Variants in GK3 observed in about 807,000 individuals in gnomAD.
The protein encoded by GK3 is glycerol kinase 3 pseudogene.
the GK3 span, chr4:165,279,332 C>A: frequency 6.4e-7 from 1 of 1,569,124 alleles, no homozygotes. Context: ...GAGAGGCTCT[C>A]CAGTTATCTT....
chr4:165,277,912 A>C, the GK3 span: 2 of 867,048 alleles, frequency 2.3e-6, no homozygotes, highest in Non-Finnish European at 4.0e-6. Context: ...CATCGCATTA[A>C]GAGACAATTG....
the GK3 span, chr4:165,278,789 A>G: frequency 4.5e-6 from 7 of 1,541,418 alleles, no homozygotes; most frequent in Non-Finnish European, 6.3e-6. Flanking sequence ...TGTATTACAT[A>G]GTAAGAAACA....
chr4:165,279,064 G>C, the GK3 span: 1 of 1,519,544 alleles, frequency 6.6e-7, no homozygotes, highest in Non-Finnish European at 9.1e-7. Flanking sequence ...CTGTACAGTG[G>C]ACACCTCCAT....
chr4:165,277,901 T>C, the GK3 span: 15 of 846,938 alleles, frequency 1.8e-5, no homozygotes, highest in Non-Finnish European at 3.1e-5. Flanking sequence ...ATGAATAGTG[T>C]CATCGCATTA....
chr4:165,278,710 T>C, the GK3 span: 1 of 1,603,846 alleles, frequency 6.2e-7, no homozygotes, highest in East Asian at 2.2e-5. Context: ...AATATACCGG[T>C]TTGTCTCTGC....
chr4:165,277,950 G>T, the GK3 span: 6 of 979,672 alleles, frequency 6.1e-6, no homozygotes, highest in Non-Finnish European at 6.6e-6. Flanking sequence ...TATGTAAAAA[G>T]CTCGCATCTT....
At chr4:165,279,339 T>C in the GK3 span, 24 of 1,575,820 alleles carry the variant, frequency 1.5e-5, no homozygotes, top group South Asian at 5.5e-5. Flanking sequence ...TCTCCAGTTA[T>C]CTTGTCCCAG....
the GK3 span, chr4:165,277,977 G>A: frequency 5.9e-6 from 7 of 1,190,780 alleles, no homozygotes; most frequent in Non-Finnish European, 8.8e-6. Flanking sequence ...CCATGAGTTG[G>A]TAGGTTTTAT....
the GK3 span, chr4:165,278,748 G>A: frequency 2.6e-5 from 41 of 1,584,532 alleles, no homozygotes; most frequent in South Asian, 7.7e-5. Context: ...GTGGTGAGAA[G>A]GCCATGATCA....
At chr4:165,278,533 A>T in the GK3 span, 6 of 1,609,962 alleles carry the variant, frequency 3.7e-6, no homozygotes, top group Non-Finnish European at 5.1e-6. Flanking sequence ...TGGGCTCCCA[A>T]TAAGGTGCAT....
At chr4:165,277,964 A>C in the GK3 span, 4 of 1,079,790 alleles carry the variant, frequency 3.7e-6, no homozygotes, top group Non-Finnish European at 5.8e-6. Context: ...GCATCTTGGG[A>C]ATCCATGAGT....
At chr4:165,279,079 G>A in the GK3 span, 9 of 1,539,448 alleles carry the variant, frequency 5.8e-6, no homozygotes, top group East Asian at 4.5e-5. Flanking sequence ...CTCCATTGAC[G>A]CCTCCTGTCA....
chr4:165,278,298 A>G, the GK3 span: 1 of 1,074,250 alleles, frequency 9.3e-7, no homozygotes, highest in Admixed American at 1.7e-5. Flanking sequence ...TCGGGCATCA[A>G]GGGCTTCACT....
chr4:165,278,417 G>A, the GK3 span: 3 of 1,414,086 alleles, frequency 2.1e-6, no homozygotes, highest in African/African-American at 1.4e-5. Context: ...TCGATTCATG[G>A]CATCCAAAAT....
At chr4:165,279,650 C>G in the GK3 span, 3 of 1,611,040 alleles carry the variant, frequency 1.9e-6, no homozygotes, top group Non-Finnish European at 2.5e-6. Flanking sequence ...TGCCATGAAA[C>G]CAGCTTCAGG....
chr4:165,279,460 A>C, the GK3 span: 60 of 1,599,592 alleles, frequency 3.8e-5, no homozygotes, highest in Non-Finnish European at 5.1e-5. Context: ...CATAGACAGA[A>C]TGTAGAATTT....
chr4:165,279,209 C>G, the GK3 span: 2 of 1,544,776 alleles, frequency 1.3e-6, no homozygotes, highest in Non-Finnish European at 1.8e-6. Context: ...GAAGTAAGTG[C>G]TAAGTGGAAG....
chr4:165,278,289 CG>C, the GK3 span: 1 of 1,066,040 alleles, frequency 9.4e-7, no homozygotes, highest in Non-Finnish European at 1.5e-6. Flanking sequence ...GCAGTGGTTT[CG>C]GGCATCAAGG....
At chr4:165,279,368 T>G in the GK3 span, 4 of 1,583,958 alleles carry the variant, frequency 2.5e-6, no homozygotes. Context: ...GGTTTCCCTC[T>G]GGTTGCTGAC....
Sources: allele counts gnomAD v4.1 joint callset, GRCh38; gene constraint gnomAD v4.1.1; transcripts MANE v1.5; gene names NCBI Gene and HGNC (gene_info 2026-07-23, HGNC 2026-07-21).